NIM1K: variants seen among roughly 807,000 people sequenced by gnomAD.
The protein encoded by NIM1K is NIM1 serine/threonine protein kinase.
Under a neutral mutation model 37.1 loss-of-function variants are expected in NIM1K, and 35 were observed. The ratio of observed to expected loss-of-function variants is 0.94; its 90% CI spans 0.72 to 1.25. The LOEUF is 1.25. Ranked by LOEUF, NIM1K falls within the 50% of genes most tolerant of loss-of-function variation. The pLI is 0.00. For missense variants in NIM1K, 564 were observed against 548.0 expected (o/e 1.03, Z -0.29); for synonymous variants, 234 against 206.6 (o/e 1.13, Z -1.14).
chr5:43,264,870 A>T (rs1235052698), intron 2 of NIM1K, among the ~76,000 whole-genome samples: 1 of 152,050 alleles, frequency 6.6e-6, no homozygotes, highest in African/African-American at 2.4e-5. Flanking sequence ...TTTCTTCTTC[A>T]CTTATGAAGC....
chr5:43,262,528 A>G (rs1218998202), intron 2 of NIM1K, among the ~76,000 whole-genome samples: 2 of 152,192 alleles, frequency 1.3e-5, no homozygotes, highest in Non-Finnish European at 2.9e-5. Flanking sequence ...GGGGTTTTCT[A>G]GATATACAAT....
intron 2 of NIM1K, among the ~76,000 whole-genome samples, chr5:43,272,832 C>T (rs1753277735): frequency 6.6e-6 from 1 of 152,154 alleles, no homozygotes; most frequent in Non-Finnish European, 1.5e-5. Context: ...ACTGAGCCTC[C>T]ATTCCAAATA....
chr5:43,219,499 C>A (rs539895873), intron 1 of NIM1K, among the ~76,000 whole-genome samples: 5 of 152,200 alleles, frequency 3.3e-5, no homozygotes, highest in African/African-American at 1.2e-4. Flanking sequence ...CCTCAGCCTC[C>A]CAAAGTGCTG....
At chr5:43,265,610 C>A (rs1004438990) in intron 2 of NIM1K, among the ~76,000 whole-genome samples, 6 of 152,210 alleles carry the variant, frequency 3.9e-5, no homozygotes, top group African/African-American at 1.4e-4. Context: ...TTGTCTGGAG[C>A]CTTCTTCTCT....
chr5:43,277,955 CCCTT>C (rs2111569336), intron 3 of NIM1K, among the ~76,000 whole-genome samples: 1 of 151,552 alleles, frequency 6.6e-6, no homozygotes, highest in Non-Finnish European at 1.5e-5. Flanking sequence ...TTTCTTTTTT[CCCTT>C]CCTTCCTGCC....
At chr5:43,215,667 C>T (rs1752289102) in intron 1 of NIM1K, among the ~76,000 whole-genome samples, 1 of 152,210 alleles carries the variant, frequency 6.6e-6, no homozygotes, top group Non-Finnish European at 1.5e-5. Context: ...TCCCTGACCG[C>T]AAGTGATCTG....
chr5:43,197,064 G>A (rs1325880668), intron 1 of NIM1K, among the ~76,000 whole-genome samples: 1 of 148,224 alleles, frequency 6.7e-6, no homozygotes, highest in Non-Finnish European at 1.5e-5. Flanking sequence ...GGGATTACAA[G>A]CATGAGCCAC....
intron 2 of NIM1K, among the ~76,000 whole-genome samples, chr5:43,268,789 C>G (rs1753208421): frequency 1.3e-5 from 2 of 152,118 alleles, no homozygotes; most frequent in Admixed American, 1.3e-4. Context: ...ATCATTTAAA[C>G]TACAAACTAA....
chr5:43,199,925 G>T (rs1326087236), intron 1 of NIM1K, among the ~76,000 whole-genome samples: 1 of 152,204 alleles, frequency 6.6e-6, no homozygotes, highest in Non-Finnish European at 1.5e-5. Flanking sequence ...GCCCAGGCTG[G>T]AGTGCAATGG....
intron 1 of NIM1K, chr5:43,233,048 G>A (rs375732014): frequency 3.0e-5 from 39 of 1,295,750 alleles, no homozygotes; most frequent in African/African-American, 1.3e-4. Context: ...TCTCCTCCCC[G>A]AGTGGTCTTG....
intron 1 of NIM1K, among the ~76,000 whole-genome samples, chr5:43,196,491 C>T (rs1751916827): frequency 6.6e-6 from 1 of 151,068 alleles, no homozygotes; most frequent in Non-Finnish European, 1.5e-5. Context: ...AAAAATTAGC[C>T]AGGTGTGGTG....
Position 43,225,260 on chromosome 5 carries a change from CAAAAAAAAAAAAA to C in NIM1K, c.-694-19804_-694-19792del, listed in dbSNP as rs10555794. The stretch of plus-strand genomic sequence containing the variant: ...GGGCAACAGAAAGAGACCCTCTTTC[CAAAAAAAAAAAAA>C]AAAAAAAAAAAAAAAAAGATAACTA... On this transcript the variant is annotated intron_variant, in intron 1 of 3. Coordinates refer to ENST00000326035, the MANE Select transcript of NIM1K (RefSeq NM_153361.4). Among the ~76,000 whole-genome samples the C allele has an allele frequency of 3.9e-4, 28 of 72,710 alleles. 1 individual carries two copies. The highest frequency in any genetic ancestry group is 1.4e-3 in the East Asian group (3 of 2,134). 47.7% of individuals were successfully genotyped at this position (72,710 alleles called of 152,430 possible). A position where few individuals can be genotyped will look rare whatever the true frequency, so the allele number is the denominator to read the frequency against.
chr5:43,236,925 G>A lies in NIM1K; in HGVS notation c.-694-8157G>A, dbSNP rs997545429. 5.3e-5 allele frequency among the ~76,000 whole-genome samples: 8 copies of A among 152,212 alleles called. No homozygotes were observed. The South Asian group carries it at 8.3e-4, about 16-fold the overall frequency. On this transcript the variant is annotated intron_variant, in intron 1 of 3. Transcript: ENST00000326035. ...GCTTTGGAATTTCCCCCATTGCACT[G>A]CATGGGGATCTTGACATGTGTGCTG...
chr5:43,196,534 C>G (rs1751918611), intron 1 of NIM1K, among the ~76,000 whole-genome samples: 1 of 151,792 alleles, frequency 6.6e-6, no homozygotes, highest in African/African-American at 2.4e-5. Context: ...ACTCGGGAGG[C>G]TGAGGCAGGA....
chr5:43,273,174 T>C (rs1753283454), intron 2 of NIM1K, among the ~76,000 whole-genome samples: 1 of 151,606 alleles, frequency 6.6e-6, no homozygotes, highest in East Asian at 1.9e-4. Context: ...TGCTCCTCTC[T>C]GCACTTCTCA....
chr5:43,259,769 T>C (rs563761664), intron 2 of NIM1K, among the ~76,000 whole-genome samples: 3 of 152,188 alleles, frequency 2.0e-5, no homozygotes, highest in Non-Finnish European at 4.4e-5. Flanking sequence ...TTTTCTGTTG[T>C]GCAGAAGCTT....
chr5:43,198,164 TTTCTTTCTTTCTTTC>T (rs1751947846), intron 1 of NIM1K, among the ~76,000 whole-genome samples: 3 of 51,822 alleles, frequency 5.8e-5, no homozygotes, highest in African/African-American at 2.1e-4. Flanking sequence ...TCTTTCTTTC[TTTCTTTCTTTCTTTC>T]TTTCTTTCTT....
At chr5:43,225,493 T>A (rs1183138725) in intron 1 of NIM1K, 1 of 152,276 alleles carries the variant, frequency 6.6e-6, no homozygotes. Context: ...GCTTAAATTA[T>A]GGTTCATTGT....
Position 43,229,952 on chromosome 5 carries a change from TTTTC to T in NIM1K, c.-694-15126_-694-15123del, listed in dbSNP as rs1752514527. 2.0e-5 allele frequency among the ~76,000 whole-genome samples: 3 copies of T among 152,148 alleles called. No homozygotes were observed. The South Asian group carries it at 6.2e-4, about 31-fold the overall frequency. On this transcript the variant is annotated intron_variant, in intron 1 of 3. Transcript: ENST00000326035. ...CAGCCTAATTTTAGCCTCTTTTTTT[TTTTC>T]TTTAAGAGCGAAGACTTCCTTTGAA...
Sources: gnomAD v4.1 joint callset for allele counts (sites outside exome capture counted in the v4.1 genomes callset) on GRCh38, gnomAD v4.1.1 for gene constraint, MANE v1.5 for transcripts, NCBI Gene and HGNC (gene_info 2026-07-23, HGNC 2026-07-21) for gene names.